ACTR3B: variants seen among roughly 807,000 people sequenced by gnomAD.
ACTR3B encodes actin related protein 3B.
In ACTR3B, 8 loss-of-function variants were observed where a neutral mutation model predicts 59.0. The ratio of observed to expected loss-of-function variants is 0.14; its 90% CI spans 0.08 to 0.24. The LOEUF (loss-of-function observed/expected upper bound fraction) is 0.24. ACTR3B is among the 10% of genes least tolerant of loss of function. The pLI, the probability that ACTR3B is intolerant of heterozygous loss-of-function variation, is 1.00. For missense variants in ACTR3B, 245 were observed against 552.3 expected, an observed-to-expected ratio of 0.44 and a Z score of 5.58; for synonymous variants, 148 against 197.9, an observed-to-expected ratio of 0.75 and a Z score of 2.12.
At chr7:152,763,273 C>T (rs1292435955) in intron 1 of ACTR3B, among the ~76,000 whole-genome samples, 1 of 130,694 alleles carries the variant, frequency 7.7e-6, no homozygotes, top group Non-Finnish European at 1.5e-5. Flanking sequence ...CGAGATCGGG[C>T]CACTGCACTC....
At position 152,759,851 on chromosome 7, in the gene ACTR3B, G is replaced by C; in HGVS notation, c.-32G>C. 1 of 1,250,540 alleles carries C rather than the reference G, an allele frequency of 8.0e-7. No homozygotes were observed. The highest frequency in any genetic ancestry group is 1.0e-6 in the Non-Finnish European group (1 of 994,434). The allele number at this position is 1,250,540 out of a possible 1,614,324, so 77.5% of individuals were successfully genotyped here. A position where few individuals can be genotyped will look rare whatever the true frequency, so the allele number is the denominator to read the frequency against. On this transcript the variant is annotated 5_prime_UTR_variant, in exon 1 of 12. Transcript: ENST00000256001. ...GACGGCGACGGGGCGCTCTCGGGCT[G>C]CCGGCGGGGCCGAGCGCCGCGCGTC... is the stretch of plus-strand genomic sequence containing the variant.
chr7:152,820,174 A>T, intron 6 of ACTR3B, 125 bp from the exon 7 acceptor site: 1 of 1,514,568 alleles, frequency 6.6e-7, no homozygotes, highest in Non-Finnish European at 8.9e-7. Flanking sequence ...GGTGGGGATT[A>T]TGTAAATGCT....
intron 1 of ACTR3B, among the ~76,000 whole-genome samples, chr7:152,763,828 A>C (rs1235110564): frequency 1.3e-5 from 2 of 152,162 alleles, no homozygotes; most frequent in Non-Finnish European, 2.9e-5. Flanking sequence ...ATTTTATTTT[A>C]AGGAAGAACT....
At position 152,845,815 on chromosome 7, in the gene ACTR3B, C is replaced by T. The variant is rs1034713965; in HGVS notation, c.952-6311C>T. Among the ~76,000 whole-genome samples, 8 of 152,166 alleles carry T rather than the reference C, an allele frequency of 5.3e-5. No individual in the cohort carries two copies. The East Asian group carries it at 7.7e-4, about 15-fold the overall frequency. On this transcript the variant is annotated intron_variant, in intron 9 of 11. Coordinates refer to ENST00000256001, the MANE Select transcript of ACTR3B (RefSeq NM_020445.6). ...GCCCCCGCTGAGAGCTCAGCATAGT[C>T]GTAGCTTCCACCTGCAGCTGTCTTC...
At chr7:152,783,816 G>C (rs1361171460) in intron 2 of ACTR3B, among the ~76,000 whole-genome samples, 1 of 151,870 alleles carries the variant, frequency 6.6e-6, no homozygotes, top group Non-Finnish European at 1.5e-5. Context: ...TTGGCTGGGC[G>C]TGGTGGCTCA....
intron 6 of ACTR3B, among the ~76,000 whole-genome samples, chr7:152,817,107 G>T (rs530595749): frequency 6.6e-6 from 1 of 151,760 alleles, no homozygotes; most frequent in East Asian, 1.9e-4. Context: ...TTTAAGGGCT[G>T]GGCGCGGTGG....
chr7:152,770,262 A>G (rs1453637501), intron 1 of ACTR3B, among the ~76,000 whole-genome samples: 1 of 152,086 alleles, frequency 6.6e-6, no homozygotes. Flanking sequence ...GTGTGGATCC[A>G]TTTGCAGGAG....
At chr7:152,779,467 C>T (rs955907978) in intron 1 of ACTR3B, among the ~76,000 whole-genome samples, 15 of 152,184 alleles carry the variant, frequency 9.9e-5, no homozygotes, top group Non-Finnish European at 1.9e-4. Context: ...CATGTCCACC[C>T]GCCTCCCCTA....
At chr7:152,791,781 C>G (rs981482740) in intron 2 of ACTR3B, among the ~76,000 whole-genome samples, 1 of 152,220 alleles carries the variant, frequency 6.6e-6, no homozygotes, top group African/African-American at 2.4e-5. Context: ...CTGTTTTCAT[C>G]TCTATAATTT....
chr7:152,773,150 AAC>A (rs1364920496), intron 1 of ACTR3B, among the ~76,000 whole-genome samples: 9 of 118,420 alleles, frequency 7.6e-5, no homozygotes, highest in Non-Finnish European at 8.0e-5. Flanking sequence ...CAAAAGTTAA[AAC>A]AAGAGTAAGA....
At position 152,833,930 on chromosome 7, in the gene ACTR3B, T is replaced by C. The variant is rs532232338; in HGVS notation, c.951+8808T>C. 2.2e-4 allele frequency among the ~76,000 whole-genome samples: 34 copies of C among 152,180 alleles called. No homozygotes were observed. In the South Asian group the frequency reaches 6.9e-3, roughly 31 times the overall value. ...CAGTCGATATAGTGAACTGAATAAA[T>C]AGACGGTGGCTGACCCCGGGTGGGA... On this transcript the variant is annotated intron_variant, in intron 9 of 11. Transcript: ENST00000256001.
chr7:152,807,174 A>G (rs1372197275), intron 4 of ACTR3B, among the ~76,000 whole-genome samples: 3 of 152,334 alleles, frequency 2.0e-5, no homozygotes, highest in East Asian at 3.9e-4. Context: ...TTAACACTTC[A>G]CATAGAGATC....
intron 6 of ACTR3B, among the ~76,000 whole-genome samples, chr7:152,817,091 AATTT>A (rs1795756306): frequency 6.6e-6 from 1 of 150,832 alleles, no homozygotes; most frequent in Non-Finnish European, 1.5e-5. Context: ...TTGTTTTAAA[AATTT>A]ATTTAAGGGC....
In ACTR3B at chr7:152,774,157, A is replaced by G. The variant is rs193225930; in HGVS notation, c.45-9030A>G. Among the ~76,000 whole-genome samples, 40 of 152,080 alleles carry G rather than the reference A, an allele frequency of 2.6e-4. 1 individual carries two copies. In the East Asian group the frequency reaches 3.3e-3, roughly 12 times the overall value. ...AATTTTTTTGTTGTTGTTTTTTGAG[A>G]TGGAGTTTTGCTCTTGTTGCCCAGG... On this transcript the variant is annotated intron_variant, in intron 1 of 11. Transcript: ENST00000256001.
At chr7:152,842,360 G>GA (rs1401636212) in intron 9 of ACTR3B, among the ~76,000 whole-genome samples, 1 of 152,230 alleles carries the variant, frequency 6.6e-6, no homozygotes, top group African/African-American at 2.4e-5. Context: ...ACAAAGAGAA[G>GA]AGACTCGTGC....
chr7:152,838,091 G>C (rs1478791024), intron 9 of ACTR3B, among the ~76,000 whole-genome samples: 100 of 145,458 alleles, frequency 6.9e-4, no homozygotes, highest in East Asian at 1.9e-3. Context: ...GCAACATGGT[G>C]GTTGGTGGTA....
intron 3 of ACTR3B, 79 bp downstream of exon 3, chr7:152,800,734 T>G (rs2098233016): frequency 6.7e-7 from 1 of 1,495,348 alleles, no homozygotes; most frequent in African/African-American, 1.4e-5. Context: ...CTAGAAGTTG[T>G]ATTTGCGAGT....
chr7:152,793,627 A>T (rs2116691322), intron 2 of ACTR3B, among the ~76,000 whole-genome samples: 1 of 140,458 alleles, frequency 7.1e-6, no homozygotes, highest in African/African-American at 2.7e-5. Context: ...GCATTTTGTG[A>T]TGGCTCCTAA....
chr7:152,847,719 AG>A lies in ACTR3B; in HGVS notation c.952-4405del, dbSNP rs549097923. On this transcript the variant is annotated intron_variant, in intron 9 of 11. Coordinates refer to ENST00000256001, the MANE Select transcript of ACTR3B (RefSeq NM_020445.6). Reference sequence around the variant, plus strand: ...CTGTGGTCGCACCTAGCTGTGGGAGAGGCCCCTCGTGGCTCTGAGCTGCTCA... The same window carrying A: ...CTGTGGTCGCACCTAGCTGTGGGAGAGCCCCTCGTGGCTCTGAGCTGCTCA... Among the ~76,000 whole-genome samples the A allele has an allele frequency of 2.5e-3, 378 of 152,278 alleles. 2 individuals are homozygous for A. Among genetic ancestry groups the A allele is most frequent in the Non-Finnish European group, 3.7e-3 (254 of 68,018 alleles).
Sources: gnomAD v4.1 joint callset for allele counts (sites outside exome capture counted in the v4.1 genomes callset) on GRCh38, gnomAD v4.1.1 for gene constraint, MANE v1.5 for transcripts, NCBI Gene and HGNC (gene_info 2026-07-23, HGNC 2026-07-21) for gene names.